Variants in KLHL1 observed in about 807,000 individuals in gnomAD.
The protein encoded by KLHL1 is kelch like family member 1, also known as kelch-like protein 1.
KLHL1 carries 47 observed loss-of-function variants against 77.7 expected under a neutral mutation model. That is an observed-to-expected ratio of 0.60 (90% CI 0.48 to 0.77). KLHL1 has a LOEUF of 0.77. Among genes scored for constraint, KLHL1 ranks in the 30% least tolerant of loss-of-function variants. KLHL1 has a pLI of 0.00. For missense variants in KLHL1, 925 were observed against 910.8 expected, an observed-to-expected ratio of 1.02 and a Z score of -0.20; for synonymous variants, 360 against 325.2, an observed-to-expected ratio of 1.11 and a Z score of -1.15.
At chr13:70,038,112 A>G (rs1163264510) in intron 1 of KLHL1, among the ~76,000 whole-genome samples, 1 of 152,062 alleles carries the variant, frequency 6.6e-6, no homozygotes, top group African/African-American at 2.4e-5. Context: ...TTCCATCTTC[A>G]CGTTTAAGCC....
intron 1 of KLHL1, among the ~76,000 whole-genome samples, chr13:69,976,894 T>C (rs1340437771): frequency 6.6e-6 from 1 of 152,108 alleles, no homozygotes; most frequent in Non-Finnish European, 1.5e-5. Flanking sequence ...AATTATTCAC[T>C]GCGTATTCTT....
intron 2 of KLHL1, among the ~76,000 whole-genome samples, chr13:69,962,288 T>G (rs1008378921): frequency 5.9e-5 from 9 of 152,084 alleles, no homozygotes; most frequent in African/African-American, 2.2e-4. Context: ...ATTTATTAAT[T>G]GAGAAATTCA....
chr13:70,000,006 C>T (rs57210446), intron 1 of KLHL1, among the ~76,000 whole-genome samples: 21,320 of 151,794 alleles, frequency 0.14, 2,856 homozygotes, highest in African/African-American at 0.35. Context: ...TCCTCATGAA[C>T]GGCTTGCTGC....
intron 7 of KLHL1, among the ~76,000 whole-genome samples, chr13:69,748,272 T>C (rs768171526): frequency 1.3e-5 from 2 of 152,048 alleles, no homozygotes; most frequent in Non-Finnish European, 2.9e-5. Context: ...TTCATGCTGC[T>C]GATAAAGACA....
rs966340479 is a variant in KLHL1, at chr13:69,885,832, T to C, written c.1015-3337A>G. ...TGGGAGACACGTAGAAAAAGTGCAATTATCTGGAAAATGATAGTAATCAAC... is the reference window on the plus strand; with the variant it reads ...TGGGAGACACGTAGAAAAAGTGCAACTATCTGGAAAATGATAGTAATCAAC... On this transcript the variant is annotated intron_variant, in intron 4 of 10. Transcript: ENST00000377844. Among the ~76,000 whole-genome samples, 3 of 152,314 alleles carry C rather than the reference T, an allele frequency of 2.0e-5. No homozygotes were observed. The South Asian group carries it at 6.2e-4, about 32-fold the overall frequency.
intron 1 of KLHL1, among the ~76,000 whole-genome samples, chr13:70,101,638 A>G (rs1291442679): frequency 6.6e-6 from 1 of 152,118 alleles, no homozygotes; most frequent in Admixed American, 6.5e-5. Context: ...CATGTTGGCC[A>G]GGCTGGTCTC....
At chr13:69,846,637 A>G (rs1415512661) in intron 5 of KLHL1, among the ~76,000 whole-genome samples, 4 of 151,484 alleles carry the variant, frequency 2.6e-5, no homozygotes, top group Non-Finnish European at 5.9e-5. Context: ...GAATAAATAC[A>G]TTTGTTAAAA....
At chr13:69,916,073 TA>T (rs1371647953) in intron 4 of KLHL1, among the ~76,000 whole-genome samples, 2 of 152,040 alleles carry the variant, frequency 1.3e-5, no homozygotes, top group Non-Finnish European at 2.9e-5. Context: ...TGGCAATCAT[TA>T]AAAAGTCAGG....
chr13:70,045,628 T>C (rs1319445806), intron 1 of KLHL1, among the ~76,000 whole-genome samples: 1 of 152,028 alleles, frequency 6.6e-6, no homozygotes, highest in Non-Finnish European at 1.5e-5. Context: ...AGATGACTGG[T>C]AGTAGTATAT....
chr13:70,046,434 G>A (rs2137385811), intron 1 of KLHL1, among the ~76,000 whole-genome samples: 1 of 152,184 alleles, frequency 6.6e-6, no homozygotes, highest in African/African-American at 2.4e-5. Context: ...TTCTAGACTT[G>A]GACCCAGGTT....
chr13:69,791,120 G>A (rs1456597081), intron 7 of KLHL1, among the ~76,000 whole-genome samples: 1 of 151,892 alleles, frequency 6.6e-6, no homozygotes, highest in Admixed American at 6.6e-5. Flanking sequence ...TATTAAATAT[G>A]TTCAGCCAGA....
At chr13:70,068,725 A>T (rs1002715896) in intron 1 of KLHL1, among the ~76,000 whole-genome samples, 12 of 152,228 alleles carry the variant, frequency 7.9e-5, no homozygotes, top group African/African-American at 2.9e-4. Context: ...AAATTCATGT[A>T]AATAATTTAA....
chr13:69,764,431 A>T (rs928931881), intron 7 of KLHL1, among the ~76,000 whole-genome samples: 1 of 152,168 alleles, frequency 6.6e-6, no homozygotes, highest in African/African-American at 2.4e-5. Context: ...TTATTCAATT[A>T]AACTCTTAAG....
At chr13:70,030,608 A>C (rs1566514784) in intron 1 of KLHL1, among the ~76,000 whole-genome samples, 3 of 152,128 alleles carry the variant, frequency 2.0e-5, no homozygotes, top group Non-Finnish European at 2.9e-5. Flanking sequence ...GTAGAGGGAA[A>C]TTTATAGCAC....
At chr13:70,043,417 A>C (rs1046568050) in intron 1 of KLHL1, among the ~76,000 whole-genome samples, 1 of 152,090 alleles carries the variant, frequency 6.6e-6, no homozygotes, top group African/African-American at 2.4e-5. Flanking sequence ...AAGAAAGAAA[A>C]ATAAATAAAT....
intron 1 of KLHL1, among the ~76,000 whole-genome samples, chr13:70,040,363 T>C (rs552802614): frequency 1.3e-5 from 2 of 152,312 alleles, no homozygotes; most frequent in Admixed American, 6.5e-5. Flanking sequence ...CTATGTTCAC[T>C]ACTTGGGTGT....
chr13:70,040,395 C>T (rs1886346612), intron 1 of KLHL1, among the ~76,000 whole-genome samples: 1 of 152,134 alleles, frequency 6.6e-6, no homozygotes, highest in Non-Finnish European at 1.5e-5. Context: ...GAAGCACAAA[C>T]CTCAGCATCA....
At chr13:69,902,570 G>A (rs1881904511) in intron 4 of KLHL1, among the ~76,000 whole-genome samples, 1 of 152,114 alleles carries the variant, frequency 6.6e-6, no homozygotes, top group Admixed American at 6.6e-5. Context: ...GGAATACCAT[G>A]CAACTACAAA....
intron 4 of KLHL1, among the ~76,000 whole-genome samples, chr13:69,909,892 G>T (rs1882177887): frequency 6.6e-6 from 1 of 152,124 alleles, no homozygotes; most frequent in South Asian, 2.1e-4. Flanking sequence ...CCTCTGTGAG[G>T]CATTCAGTCA....
Sources: allele counts gnomAD v4.1 joint callset (sites outside exome capture counted in the v4.1 genomes callset), GRCh38; gene constraint gnomAD v4.1.1; transcripts MANE v1.5; gene names NCBI Gene and HGNC (gene_info 2026-07-23, HGNC 2026-07-21).